The following CCNJL variants were observed in gnomAD, a reference collection of about 807,000 sequenced individuals.
The protein encoded by CCNJL is cyclin J like.
A neutral mutation model predicts 33.4 loss-of-function variants in CCNJL; 33 were observed. The observed-to-expected ratio is 0.99, with a 90% CI of 0.75 to 1.32. The LOEUF is 1.32. Ranked by LOEUF, CCNJL falls within the 40% of genes most tolerant of loss-of-function variation. The pLI is 0.00. For synonymous variants in CCNJL, 227 were observed against 220.9 expected, an observed-to-expected ratio of 1.03 and a Z score of -0.24; for missense variants, 512 against 499.7, an observed-to-expected ratio of 1.02 and a Z score of -0.23.
At chr5:160,277,681 T>C (rs905448058) in intron 3 of CCNJL, among the ~76,000 whole-genome samples, 1 of 151,952 alleles carries the variant, frequency 6.6e-6, no homozygotes, top group Non-Finnish European at 1.5e-5. Flanking sequence ...CTGAGCCCTG[T>C]TGGACGGGGC....
chr5:160,315,346 CACACA>C, upstream of CCNJL: 1 of 288,640 alleles, frequency 3.5e-6, no homozygotes, highest in South Asian at 2.7e-5. Flanking sequence ...CACACACACA[CACACA>C]CACACACTAG....
intron 2 of CCNJL, among the ~76,000 whole-genome samples, chr5:160,297,923 C>T (rs11741782): frequency 0.021 from 3,154 of 152,282 alleles, 46 homozygotes; most frequent in Middle Eastern, 0.054. Flanking sequence ...GCTCCACCAA[C>T]CCCCGCCTTC....
chr5:160,287,125 G>C (rs1762432331), intron 2 of CCNJL, among the ~76,000 whole-genome samples: 1 of 152,042 alleles, frequency 6.6e-6, no homozygotes, highest in African/African-American at 2.4e-5. Flanking sequence ...ACCAACCTTG[G>C]GCATGTGAAC....
chr5:160,326,660 A>T lies in CCNJL; in HGVS notation n.207-11155T>A, dbSNP rs1763540006. The T allele has an allele frequency of 5.3e-6, 4 of 758,396 alleles. No homozygotes were observed. In the Admixed American group the frequency reaches 7.1e-5, roughly 14 times the overall value. 47.0% of individuals were successfully genotyped at this position (758,396 alleles called of 1,614,324 possible). Reference sequence around the variant, plus strand: ...TTCTTAGAGTTAAAAGCTTGAAATCAGCGGGTGGGTGTGCTCTTTGTGAAA... The same window carrying T: ...TTCTTAGAGTTAAAAGCTTGAAATCTGCGGGTGGGTGTGCTCTTTGTGAAA... On this transcript the variant is annotated intron_variant and non_coding_transcript_variant, in intron 1 of 7. Coordinates refer to the CCNJL transcript ENST00000377503.
intron 5 of CCNJL, chr5:160,254,381 C>CT: frequency 1.6e-6 from 1 of 642,266 alleles, no homozygotes; most frequent in Non-Finnish European, 2.8e-6. Flanking sequence ...TCCCATATAG[C>CT]TTTTTGGGAA....
intron 2 of CCNJL, among the ~76,000 whole-genome samples, chr5:160,298,348 G>T (rs1171978108): frequency 1.3e-5 from 2 of 151,514 alleles, no homozygotes; most frequent in African/African-American, 2.4e-5. Context: ...AACAGAGAGA[G>T]ACTCTATTTA....
chr5:160,320,794 TTTC>T (rs1763432661), intron 1 of CCNJL, among the ~76,000 whole-genome samples: 1 of 43,378 alleles, frequency 2.3e-5, no homozygotes, highest in African/African-American at 6.9e-5. Context: ...CTTTCCTTTC[TTTC>T]TTTCTTTCTT....
At chr5:160,309,658 TC>T (rs1232272152) in intron 2 of CCNJL, among the ~76,000 whole-genome samples, 2 of 152,226 alleles carry the variant, frequency 1.3e-5, no homozygotes, top group Admixed American at 1.3e-4. Flanking sequence ...TCTTCACTCT[TC>T]TTGCCAAACT....
chr5:160,335,303 G>A (rs1763668692), intron 1 of CCNJL, among the ~76,000 whole-genome samples: 1 of 152,088 alleles, frequency 6.6e-6, no homozygotes, highest in Non-Finnish European at 1.5e-5. Flanking sequence ...TATATATAAT[G>A]TAGACTATAT....
chr5:160,317,802 A>G (rs1763395934), upstream of CCNJL, among the ~76,000 whole-genome samples: 1 of 152,164 alleles, frequency 6.6e-6, no homozygotes, highest in African/African-American at 2.4e-5. Context: ...TGGGTACTAG[A>G]AGTCCCAAAT....
At chr5:160,300,748 C>A (rs1762896229) in intron 2 of CCNJL, among the ~76,000 whole-genome samples, 1 of 152,142 alleles carries the variant, frequency 6.6e-6, no homozygotes, top group Non-Finnish European at 1.5e-5. Flanking sequence ...CAGCCTCATA[C>A]TCCTGGGCCC....
At chr5:160,336,735 G>A in intron 1 of CCNJL, among the ~76,000 whole-genome samples, 1 of 152,132 alleles carries the variant, frequency 6.6e-6, no homozygotes, top group East Asian at 1.9e-4. Context: ...CTCCTCCCAG[G>A]AGCAGTGTTT....
chr5:160,258,709 C>CAA (rs201255607), intron 4 of CCNJL: 3 of 727,490 alleles, frequency 4.1e-6, no homozygotes, highest in Non-Finnish European at 4.9e-6. Context: ...AAAAAACAAA[C>CAA]AAAAAAAAGA....
intron 4 of CCNJL, chr5:160,258,114 G>C: frequency 3.3e-6 from 1 of 302,342 alleles, no homozygotes; most frequent in Non-Finnish European, 6.3e-6. Context: ...CCAAAGTGCT[G>C]GAATTATAAG....
intron 4 of CCNJL, chr5:160,258,161 A>G (rs548428258): frequency 1.4e-5 from 6 of 433,784 alleles, no homozygotes; most frequent in African/African-American, 8.1e-5. Context: ...ATTGATCTGG[A>G]TACTCATGCC....
chr5:160,319,335 A>T (rs986875475), intron 1 of CCNJL, among the ~76,000 whole-genome samples: 2 of 152,174 alleles, frequency 1.3e-5, no homozygotes, highest in Non-Finnish European at 2.9e-5. Flanking sequence ...TCCTTGTGGC[A>T]AAGTTTTCCC....
chr5:160,335,086 A>AATC (rs2113484925), intron 1 of CCNJL, among the ~76,000 whole-genome samples: 2 of 152,322 alleles, frequency 1.3e-5, no homozygotes, highest in East Asian at 3.9e-4. Flanking sequence ...AACATGGTGA[A>AATC]ATCCCATCTC....
intron 3 of CCNJL, among the ~76,000 whole-genome samples, chr5:160,265,540 AG>A (rs1761543067): frequency 6.6e-6 from 1 of 152,142 alleles, no homozygotes; most frequent in African/African-American, 2.4e-5. Flanking sequence ...CAGGAGGCTA[AG>A]GCAGAATCGC....
At chr5:160,323,116 T>A (rs988298641) in intron 1 of CCNJL, among the ~76,000 whole-genome samples, 11 of 150,868 alleles carry the variant, frequency 7.3e-5, no homozygotes, top group Non-Finnish European at 1.3e-4. Context: ...GTGCCTGTAG[T>A]CCCAGGTACT....
Sources: allele counts gnomAD v4.1 joint callset (sites outside exome capture counted in the v4.1 genomes callset), GRCh38; gene constraint gnomAD v4.1.1; transcripts MANE v1.5; gene names NCBI Gene and HGNC (gene_info 2026-07-23, HGNC 2026-07-21).